FILIP1: variants seen among roughly 807,000 people sequenced by gnomAD.
The protein encoded by FILIP1 is filamin-A-interacting protein 1.
Under a neutral mutation model 102.1 loss-of-function variants are expected in FILIP1, and 61 were observed. The observed-to-expected ratio is 0.60, with a 90% CI of 0.49 to 0.74. The LOEUF (loss-of-function observed/expected upper bound fraction) is 0.74. Ranked by LOEUF, FILIP1 falls within the 30% of genes least tolerant of loss-of-function variation. The probability of loss-of-function intolerance (pLI) is 0.00; values close to 1 mark genes in which losing one functional copy is unlikely to be tolerated. For missense variants in FILIP1, 1,314 were observed against 1,441.2 expected, an observed-to-expected ratio of 0.91 and a Z score of 1.43; for synonymous variants, 491 against 526.9, an observed-to-expected ratio of 0.93 and a Z score of 0.93.
At chr6:75,415,358 A>C (rs900940300) in intron 1 of FILIP1, among the ~76,000 whole-genome samples, 2 of 152,032 alleles carry the variant, frequency 1.3e-5, no homozygotes, top group Non-Finnish European at 1.5e-5. Flanking sequence ...GCTTTGTAAT[A>C]ATGTTAGGAA....
chr6:75,478,259 CA>C (rs1289201785), intron 1 of FILIP1, among the ~76,000 whole-genome samples: 1 of 152,010 alleles, frequency 6.6e-6, no homozygotes, highest in Non-Finnish European at 1.5e-5. Flanking sequence ...TGGCTTCTTC[CA>C]AAAAAGGGCT....
At chr6:75,378,595 G>A (rs1775813003) in intron 2 of FILIP1, among the ~76,000 whole-genome samples, 2 of 152,140 alleles carry the variant, frequency 1.3e-5, no homozygotes, top group African/African-American at 2.4e-5. Flanking sequence ...GTGGTCAATA[G>A]GCTATGAGAA....
chr6:75,491,135 A>G (rs1418727549), intron 1 of FILIP1, among the ~76,000 whole-genome samples: 1 of 152,192 alleles, frequency 6.6e-6, no homozygotes, highest in Non-Finnish European at 1.5e-5. Context: ...GATCCAGAAT[A>G]TCATTGTGAA....
At chr6:75,341,185 G>A (rs1263246423) in intron 4 of FILIP1, among the ~76,000 whole-genome samples, 3 of 150,856 alleles carry the variant, frequency 2.0e-5, no homozygotes, top group African/African-American at 4.9e-5. Context: ...TTTTGAGACA[G>A]GGTCTCACTC....
intron 4 of FILIP1, among the ~76,000 whole-genome samples, chr6:75,326,641 C>T (rs1325611835): frequency 6.6e-6 from 1 of 152,000 alleles, no homozygotes; most frequent in Non-Finnish European, 1.5e-5. Flanking sequence ...ATTTTCATTC[C>T]CTTTGAGCAA....
intron 1 of FILIP1, among the ~76,000 whole-genome samples, chr6:75,428,649 A>C (rs943710618): frequency 2.0e-5 from 3 of 152,146 alleles, no homozygotes; most frequent in Non-Finnish European, 4.4e-5. Flanking sequence ...AACTAGAAAT[A>C]CTTGTCTTAG....
chr6:75,377,468 G>T lies in FILIP1; in HGVS notation c.277-14551C>A, dbSNP rs548613647. On this transcript the variant is annotated intron_variant, in intron 2 of 5. Transcript: ENST00000237172. ...CTGTTACCTAAGTGCTGTTGTTTAAGAGATACGTGATGCTCTGCGATTTGA... is the reference window on the plus strand; with the variant it reads ...CTGTTACCTAAGTGCTGTTGTTTAATAGATACGTGATGCTCTGCGATTTGA... Among the ~76,000 whole-genome samples, 20 of 152,252 alleles carry T rather than the reference G, an allele frequency of 1.3e-4. No individual in the cohort carries two copies. In the South Asian group the frequency reaches 3.1e-3, roughly 24 times the overall value.
At chr6:75,416,977 T>C (rs1777292237) in intron 1 of FILIP1, among the ~76,000 whole-genome samples, 1 of 152,156 alleles carries the variant, frequency 6.6e-6, no homozygotes, top group East Asian at 1.9e-4. Context: ...AATTTTATAT[T>C]AGTTCTTTCT....
chr6:75,434,889 T>C (rs187715299), intron 1 of FILIP1, among the ~76,000 whole-genome samples: 114 of 152,372 alleles, frequency 7.5e-4, no homozygotes, highest in Non-Finnish European at 1.1e-3. Context: ...TGAGAGTTTT[T>C]AGCACGAAGG....
At chr6:75,319,034 C>T in intron 4 of FILIP1, 1 of 702,532 alleles carries the variant, frequency 1.4e-6, no homozygotes, top group East Asian at 3.2e-5. Flanking sequence ...CCAACTTATT[C>T]ATCATCGTCA....
rs866790559 is a variant in FILIP1, at chr6:75,397,507, G to T, written c.276+17190C>A. Among the ~76,000 whole-genome samples, 110 of 135,804 alleles carry T rather than the reference G, an allele frequency of 8.1e-4. 1 individual carries two copies. In the Middle Eastern group the frequency reaches 0.012, roughly 14 times the overall value. 89.1% of individuals were successfully genotyped at this position (135,804 alleles called of 152,430 possible). On this transcript the variant is annotated intron_variant, in intron 2 of 5. Transcript: ENST00000237172. The stretch of plus-strand genomic sequence containing the variant: ...ATATATATGTGTATATATATATACA[G>T]ATTTTTTTACATAACATATACACAT...
At chr6:75,361,104 T>C (rs1775160044) in intron 3 of FILIP1, among the ~76,000 whole-genome samples, 2 of 152,200 alleles carry the variant, frequency 1.3e-5, no homozygotes, top group Non-Finnish European at 2.9e-5. Flanking sequence ...AAAGGGGAAA[T>C]GACTCTTCAG....
intron 1 of FILIP1, among the ~76,000 whole-genome samples, chr6:75,455,557 G>A (rs1049285243): frequency 1.3e-5 from 2 of 152,082 alleles, no homozygotes; most frequent in African/African-American, 4.8e-5. Flanking sequence ...ATTGTGGGGG[G>A]AAAATTTTTA....
At chr6:75,418,633 A>G (rs1321461272) in intron 1 of FILIP1, among the ~76,000 whole-genome samples, 2 of 152,208 alleles carry the variant, frequency 1.3e-5, no homozygotes, top group African/African-American at 4.8e-5. Context: ...GCATGGCTGC[A>G]AGTTTAAGGT....
chr6:75,452,519 T>C (rs1176205455), intron 1 of FILIP1, among the ~76,000 whole-genome samples: 1 of 152,192 alleles, frequency 6.6e-6, no homozygotes, highest in African/African-American at 2.4e-5. Context: ...TGTTGGACAT[T>C]TGGGTTGGTT....
chr6:75,410,466 G>T (rs533710552), intron 2 of FILIP1, among the ~76,000 whole-genome samples: 2 of 151,776 alleles, frequency 1.3e-5, no homozygotes, highest in South Asian at 4.2e-4. Context: ...TGTTACATAG[G>T]TATACATGTG....
chr6:75,474,036 T>C (rs1434229732), intron 1 of FILIP1: 1 of 152,084 alleles, frequency 6.6e-6, no homozygotes, highest in Non-Finnish European at 1.5e-5. Flanking sequence ...TATTTCGAAA[T>C]AGCTTCAGCT....
At chr6:75,327,642 A>T (rs970388093) in intron 4 of FILIP1, among the ~76,000 whole-genome samples, 16 of 151,128 alleles carry the variant, frequency 1.1e-4, no homozygotes, top group African/African-American at 3.9e-4. Flanking sequence ...GATCTCCCTC[A>T]TATATATTTA....
chr6:75,459,517 C>T (rs754609112), intron 1 of FILIP1, among the ~76,000 whole-genome samples: 40 of 152,120 alleles, frequency 2.6e-4, no homozygotes, highest in African/African-American at 6.3e-4. Context: ...GTCCCTTCAG[C>T]GCTATCATCC....
Sources: gnomAD v4.1 joint callset for allele counts (sites outside exome capture counted in the v4.1 genomes callset) on GRCh38, gnomAD v4.1.1 for gene constraint, MANE v1.5 for transcripts, NCBI Gene and HGNC (gene_info 2026-07-23, HGNC 2026-07-21) for gene names.